The following NLRC3 variants were observed in gnomAD, a reference collection of about 807,000 sequenced individuals.
The protein encoded by NLRC3 is NLR family CARD domain containing 3.
A neutral mutation model predicts 91.6 loss-of-function variants in NLRC3; 87 were observed. That is an observed-to-expected ratio of 0.95 (90% confidence interval 0.80 to 1.14). NLRC3 has a LOEUF of 1.14. Among genes scored for constraint, NLRC3 ranks in the 50% most tolerant of loss-of-function variants. The pLI is 0.00. For missense variants in NLRC3, 1,577 were observed against 1,418.6 expected (o/e 1.11, Z -1.79); for synonymous variants, 694 against 625.3 (o/e 1.11, Z -1.64).
intron 16 of NLRC3, chr16:3,543,809 A>C (rs750535714): frequency 7.4e-6 from 3 of 404,860 alleles, no homozygotes; most frequent in South Asian, 6.5e-5. Context: ...TGCTAATATC[A>C]TATTTCCTAT....
chr16:3,564,082 C>T lies in NLRC3; in HGVS notation c.855G>A (p.Glu285=). The change falls in exon 5 of 20, where the codon GAG becomes GAA. Residue 285 remains glutamate (E), a synonymous_variant. Coordinates refer to ENST00000359128, the MANE Select transcript of NLRC3 (RefSeq NM_178844.4). This position sits in a 1 kb window ranked among gnomAD's most constrained non-coding sequence, Gnocchi z 5.9. The part of the protein sequence containing the change: ...IPGGLVDRMT[E]IRGFNEEEIK... ...TCTCCTCCTCGTTAAAGCCCCGGATCTCCGTCATCCGGTCCACCAGGCCCC... is the reference window on the plus strand; with the variant it reads ...TCTCCTCCTCGTTAAAGCCCCGGATTTCCGTCATCCGGTCCACCAGGCCCC... The T allele has an allele frequency of 6.2e-7, 1 of 1,613,478 alleles. No homozygotes were observed. The highest frequency in any genetic ancestry group is 8.5e-7 in the Non-Finnish European group (1 of 1,179,892).
rs761281688 is a variant in NLRC3 at position 3,544,280 on chromosome 16, C to T, written c.2821G>A (p.Ala941Thr). The T allele has an allele frequency of 6.8e-6, 11 of 1,613,062 alleles. No homozygotes were observed. Among genetic ancestry groups the T allele is most frequent in the Non-Finnish European group, 8.5e-6 (10 of 1,179,266 alleles). ...GTGAGGGCTGTGTTGACCTTCAGTG[C>T]ACGGGCCACCGCACACGCTCCGTCA... is the stretch of plus-strand genomic sequence containing the variant. The part of the protein sequence containing the change: ...GDDGACAVAR[A>T]LKVNTALTAL... The change falls in exon 16 of 20, where the codon GCA becomes ACA. Residue 941 changes from alanine (A) to threonine (T), a missense_variant. Coordinates refer to ENST00000359128, the MANE Select transcript of NLRC3 (RefSeq NM_178844.4).
At position 3,577,241 on chromosome 16, in the gene NLRC3, G is replaced by A. The variant is rs2040342144; in HGVS notation, c.-261C>T. The A allele has an allele frequency of 1.4e-6, 1 of 702,202 alleles. No individual in the cohort carries two copies. Among genetic ancestry groups the A allele is most frequent in the Non-Finnish European group, 2.6e-6 (1 of 384,540 alleles). The allele number at this position is 702,202 out of a possible 1,614,324, so 43.5% of individuals were successfully genotyped here. The stretch of plus-strand genomic sequence containing the variant: ...TCCTGGGCTCAGCCCTGCTCCAGCT[G>A]CGTGGTGGTAGATGCCCTGGGAATC... On this transcript the variant is annotated 5_prime_UTR_variant, in exon 1 of 20. Coordinates refer to ENST00000359128, the MANE Select transcript of NLRC3 (RefSeq NM_178844.4).
intron 1 of NLRC3, among the ~76,000 whole-genome samples, chr16:3,569,454 A>C (rs9746363): frequency 4.6e-5 from 5 of 108,758 alleles, no homozygotes; most frequent in Non-Finnish European, 8.3e-5. Context: ...CCCAGGCTGG[A>C]GTGCAGTGGC....
At chr16:3,550,360 T>C in intron 11 of NLRC3, 54 bp downstream of exon 11, 1 of 1,230,378 alleles carries the variant, frequency 8.1e-7, no homozygotes, top group Non-Finnish European at 1.2e-6. Context: ...GCCGGCCCAC[T>C]ATCTACTGGA....
At chr16:3,555,774 G>T (rs1406581757) in intron 8 of NLRC3, 1 of 150,426 alleles carries the variant, frequency 6.6e-6, no homozygotes, top group Admixed American at 6.7e-5. Context: ...TAGATATGAG[G>T]TTTTACCATG....
chr16:3,573,795 T>C (rs2040184522), intron 1 of NLRC3, among the ~76,000 whole-genome samples: 1 of 152,126 alleles, frequency 6.6e-6, no homozygotes, highest in South Asian at 2.1e-4. Flanking sequence ...ATAATTTTCC[T>C]TAAAAAATAG....
intron 1 of NLRC3, among the ~76,000 whole-genome samples, chr16:3,575,366 C>T (rs954758488): frequency 2.6e-5 from 4 of 152,196 alleles, no homozygotes; most frequent in Admixed American, 6.5e-5. Flanking sequence ...AGTGAGGTCG[C>T]GAGGCCGCAG....
At position 3,541,552 on chromosome 16, in the gene NLRC3, T is replaced by C. The variant is rs533721765; in HGVS notation, c.*273A>G. 30 of 475,632 alleles carry C rather than the reference T, an allele frequency of 6.3e-5. No individual in the cohort carries two copies. The South Asian group carries it at 8.2e-4, about 13-fold the overall frequency. The allele number at this position is 475,632 out of a possible 1,614,324, so 29.5% of individuals were successfully genotyped here. A position where few individuals can be genotyped will look rare whatever the true frequency, so the allele number is the denominator to read the frequency against. ...AACCAGCCTCCTGTACTGCTCAGCT[T>C]TCAGGCCTTTGGCCCCTAGTCCCTT... On this transcript the variant is annotated 3_prime_UTR_variant, in exon 20 of 20. Coordinates refer to ENST00000359128, the MANE Select transcript of NLRC3 (RefSeq NM_178844.4).
intron 9 of NLRC3, among the ~76,000 whole-genome samples, chr16:3,552,716 C>T (rs546966858): frequency 3.0e-4 from 46 of 152,040 alleles, no homozygotes; most frequent in African/African-American, 1.1e-3. Flanking sequence ...CCAAGGTGGG[C>T]GGATCACGAT....
intron 1 of NLRC3, among the ~76,000 whole-genome samples, chr16:3,574,825 G>A (rs2040226671): frequency 6.6e-6 from 1 of 152,116 alleles, no homozygotes. Flanking sequence ...AGCTGGGCGT[G>A]GTGGTGGATG....
intron 1 of NLRC3, among the ~76,000 whole-genome samples, chr16:3,571,893 TGGC>T (rs2040110955): frequency 6.6e-6 from 1 of 151,730 alleles, no homozygotes; most frequent in Non-Finnish European, 1.5e-5. Context: ...TGAGCCAAGA[TGGC>T]GCCACTGCAC....
At chr16:3,568,545 G>C (rs1202584704) in intron 1 of NLRC3, among the ~76,000 whole-genome samples, 1 of 152,170 alleles carries the variant, frequency 6.6e-6, no homozygotes, top group African/African-American at 2.4e-5. Flanking sequence ...GCAAAGTAGT[G>C]AGACCGTAGC....
At chr16:3,562,988 G>A in intron 5 of NLRC3, 21 bp downstream of exon 5, 1 of 1,545,382 alleles carries the variant, frequency 6.5e-7, no homozygotes. Flanking sequence ...CCCAGCCCCT[G>A]CCCCCTGCCC....
chr16:3,545,858 G>C (rs1312135895), intron 15 of NLRC3: 2 of 152,322 alleles, frequency 1.3e-5, no homozygotes, highest in Non-Finnish European at 2.9e-5. Context: ...GCCACCCTGA[G>C]GGGCTGTGTG....
intron 1 of NLRC3, among the ~76,000 whole-genome samples, chr16:3,572,432 C>T (rs776484056): frequency 3.9e-5 from 6 of 151,940 alleles, no homozygotes; most frequent in Non-Finnish European, 5.9e-5. Flanking sequence ...GGACTACAGG[C>T]GCATGCTACC....
intron 15 of NLRC3, 126 bp downstream of exon 15, chr16:3,548,009 G>T: frequency 1.5e-6 from 1 of 654,100 alleles, no homozygotes. Flanking sequence ...AAACATGCCA[G>T]CTGGCCTTAG....
Position 3,554,310 on chromosome 16 carries a change from G to A in NLRC3, c.2199C>T (p.Thr733=), listed in dbSNP as rs753199471. Reference sequence around the variant, plus strand: ...TGGACCTGGCACCATCATCCCTAACGGTGTTGCCCTGGAGGCTGCAGAGAC... The same window carrying A: ...TGGACCTGGCACCATCATCCCTAACAGTGTTGCCCTGGAGGCTGCAGAGAC... ...TLTSLSLQGN[T]VRDDGARSMA... Residue 733 remains threonine, a synonymous_variant, in exon 9 of 20, where the codon ACC becomes ACT. Transcript: ENST00000359128. The A allele has an allele frequency of 9.3e-6, 15 of 1,613,508 alleles. No individual in the cohort carries two copies. The Admixed American group carries it at 1.2e-4, about 13-fold the overall frequency.
intron 1 of NLRC3, among the ~76,000 whole-genome samples, chr16:3,574,577 G>A (rs2040218118): frequency 6.6e-6 from 1 of 152,192 alleles, no homozygotes; most frequent in African/African-American, 2.4e-5. Context: ...TAGTCTCTCA[G>A]TATTGGGAGT....
Sources: gnomAD v4.1 joint callset for allele counts (sites outside exome capture counted in the v4.1 genomes callset) on GRCh38, gnomAD v4.1.1 for gene constraint, Gnocchi (gnomAD v3.1) non-coding constraint, MANE v1.5 for transcripts, NCBI Gene and HGNC (gene_info 2026-07-23, HGNC 2026-07-21) for gene names.